NLGN1: variants seen among roughly 807,000 people sequenced by gnomAD.
The protein encoded by NLGN1 is neuroligin-1.
A neutral mutation model predicts 65.5 loss-of-function variants in NLGN1; 12 were observed. That is an observed-to-expected ratio of 0.18 (90% confidence interval 0.12 to 0.30). The LOEUF (loss-of-function observed/expected upper bound fraction) is 0.30. Ranked by LOEUF, NLGN1 falls within the 10% of genes least tolerant of loss-of-function variation. The pLI is 1.00. For missense variants in NLGN1, 750 were observed against 1,007.1 expected (o/e 0.74, Z 3.46); for synonymous variants, 350 against 359.5 (o/e 0.97, Z 0.30).
chr3:173,674,923 TA>T (rs908837572), intron 3 of NLGN1, among the ~76,000 whole-genome samples: 8 of 152,104 alleles, frequency 5.3e-5, no homozygotes, highest in South Asian at 2.1e-4. Context: ...TTTATCATTA[TA>T]AAAAAATTAT....
intron 4 of NLGN1, among the ~76,000 whole-genome samples, chr3:174,238,357 G>C (rs1742138935): frequency 6.8e-6 from 1 of 146,452 alleles, no homozygotes; most frequent in African/African-American, 2.7e-5. Flanking sequence ...CTATTATGAA[G>C]TTCTTTTTTT....
At chr3:173,914,855 G>A (rs1740410934) in intron 4 of NLGN1, 1 of 152,076 alleles carries the variant, frequency 6.6e-6, no homozygotes, top group Non-Finnish European at 1.5e-5. Flanking sequence ...CAAGATTTTT[G>A]TTTTACTTTG....
At chr3:173,690,102 GGTAGCAGGACTCCAGAATCCTT>G (rs1765249326) in intron 3 of NLGN1, among the ~76,000 whole-genome samples, 1 of 152,092 alleles carries the variant, frequency 6.6e-6, no homozygotes, top group African/African-American at 2.4e-5. Flanking sequence ...AGTCAAAAGT[GGTAGCAGGACTCCAGAATCCTT>G]ACTGAGTGAG....
At chr3:173,549,885 G>A (rs1740556261) in intron 2 of NLGN1, among the ~76,000 whole-genome samples, 1 of 152,040 alleles carries the variant, frequency 6.6e-6, no homozygotes, top group Non-Finnish European at 1.5e-5. Flanking sequence ...TCTCCTAAAA[G>A]CTAACCTTTT....
chr3:174,015,784 T>C (rs562270061), intron 4 of NLGN1, among the ~76,000 whole-genome samples: 2 of 152,268 alleles, frequency 1.3e-5, no homozygotes, highest in East Asian at 3.9e-4. Flanking sequence ...AATTAGATTC[T>C]CTGATTTTTT....
intron 2 of NLGN1, among the ~76,000 whole-genome samples, chr3:173,503,119 C>T (rs1170043433): frequency 6.6e-6 from 1 of 151,270 alleles, no homozygotes; most frequent in African/African-American, 2.4e-5. Context: ...TGTATTTAAC[C>T]CTATTTTATA....
intron 3 of NLGN1, among the ~76,000 whole-genome samples, chr3:173,768,584 A>G (rs578081216): frequency 1.3e-5 from 2 of 152,198 alleles, no homozygotes; most frequent in Non-Finnish European, 2.9e-5. Context: ...TCCTGAGGCC[A>G]TCTTTTAAAA....
intron 4 of NLGN1, among the ~76,000 whole-genome samples, chr3:174,138,572 C>T (rs1470355604): frequency 2.0e-5 from 3 of 151,570 alleles, no homozygotes; most frequent in Non-Finnish European, 4.4e-5. Flanking sequence ...ATAGCTGGGA[C>T]GACAGGCCCC....
chr3:173,901,766 T>C (rs1363694238), intron 4 of NLGN1, among the ~76,000 whole-genome samples: 1 of 152,050 alleles, frequency 6.6e-6, no homozygotes. Context: ...CTTAAAATGC[T>C]GTTGAATTTT....
intron 2 of NLGN1, among the ~76,000 whole-genome samples, chr3:173,490,678 C>T (rs1728973559): frequency 6.6e-6 from 1 of 152,044 alleles, no homozygotes; most frequent in Non-Finnish European, 1.5e-5. Flanking sequence ...TATAAATTAC[C>T]TTGGGCAGTA....
chr3:173,921,264 T>C (rs1741965317), intron 4 of NLGN1, among the ~76,000 whole-genome samples: 1 of 147,670 alleles, frequency 6.8e-6, no homozygotes, highest in Admixed American at 6.8e-5. Context: ...GTATATATAA[T>C]ATATAGCATT....
At chr3:173,509,317 C>T (rs1374996885) in intron 2 of NLGN1, among the ~76,000 whole-genome samples, 3 of 152,106 alleles carry the variant, frequency 2.0e-5, no homozygotes, top group Admixed American at 2.0e-4. Flanking sequence ...ATTTTCATCC[C>T]ATTTGACGCT....
chr3:173,898,140 A>T (rs1485901910), intron 4 of NLGN1, among the ~76,000 whole-genome samples: 1 of 152,188 alleles, frequency 6.6e-6, no homozygotes, highest in Non-Finnish European at 1.5e-5. Context: ...AACAATTCTA[A>T]ATTTTGCTAG....
At chr3:174,037,828 T>C (rs1167929062) in intron 4 of NLGN1, among the ~76,000 whole-genome samples, 1 of 152,128 alleles carries the variant, frequency 6.6e-6, no homozygotes, top group Non-Finnish European at 1.5e-5. Context: ...TTTGAGCATA[T>C]TAGTTGGGTG....
intron 4 of NLGN1, among the ~76,000 whole-genome samples, chr3:174,049,865 G>T (rs1006498976): frequency 6.6e-6 from 1 of 152,042 alleles, no homozygotes. Flanking sequence ...ATGTTTTAAT[G>T]TGGAGAGCTA....
intron 4 of NLGN1, among the ~76,000 whole-genome samples, chr3:174,164,377 G>A (rs933529547): frequency 4.6e-5 from 7 of 151,916 alleles, no homozygotes; most frequent in Non-Finnish European, 1.0e-4. Flanking sequence ...CATTCTGTAG[G>A]CTGTTTACTC....
At chr3:174,289,957 A>G (rs202203252), downstream of NLGN1, among the ~76,000 whole-genome samples, 15 of 41,566 alleles carry the variant, frequency 3.6e-4, no homozygotes, top group African/African-American at 1.1e-3. Flanking sequence ...ATATATGTGT[A>G]TATATATATA....
intron 4 of NLGN1, among the ~76,000 whole-genome samples, chr3:173,826,298 C>T (rs894200378): frequency 2.0e-5 from 3 of 152,012 alleles, no homozygotes; most frequent in Non-Finnish European, 2.9e-5. Context: ...CAATACCTGA[C>T]CTCCTCATTT....
chr3:174,003,931 G>A (rs753082284), intron 4 of NLGN1, among the ~76,000 whole-genome samples: 20 of 152,124 alleles, frequency 1.3e-4, no homozygotes, highest in Admixed American at 3.3e-4. Context: ...TGATGAAAGC[G>A]TACTCTATAG....
Sources: allele counts gnomAD v4.1 joint callset (sites outside exome capture counted in the v4.1 genomes callset), GRCh38; gene constraint gnomAD v4.1.1; transcripts MANE v1.5; gene names NCBI Gene and HGNC (gene_info 2026-07-23, HGNC 2026-07-21).